The following RPS6KC1 variants were observed in gnomAD, a reference collection of about 807,000 sequenced individuals.
RPS6KC1 encodes ribosomal protein S6 kinase C1, also known as inactive ribosomal protein S6 kinase delta-1.
A neutral mutation model predicts 103.8 loss-of-function variants in RPS6KC1; 54 were observed. That is an observed-to-expected ratio of 0.52 (90% CI 0.42 to 0.65). The LOEUF (loss-of-function observed/expected upper bound fraction) is 0.65, where lower values mean the gene tolerates loss of function less well. Ranked by LOEUF, RPS6KC1 falls within the 30% of genes least tolerant of loss-of-function variation. The probability of loss-of-function intolerance (pLI) is 0.00; values close to 1 mark genes in which losing one functional copy is unlikely to be tolerated. For synonymous variants in RPS6KC1, 439 were observed against 438.7 expected, an observed-to-expected ratio of 1.00 and a Z score of -0.01; for missense variants, 1,151 against 1,253.8, an observed-to-expected ratio of 0.92 and a Z score of 1.24.
chr1:213,098,583 T>C (rs1286502935), intron 3 of RPS6KC1, among the ~76,000 whole-genome samples: 5 of 152,058 alleles, frequency 3.3e-5, no homozygotes, highest in African/African-American at 1.2e-4. Context: ...GAAAGGGAGA[T>C]TGGGTACAGC....
the RPS6KC1 span, among the ~76,000 whole-genome samples, chr1:213,851,623 C>G: frequency 6.6e-6 from 1 of 152,182 alleles, no homozygotes; most frequent in African/African-American, 2.4e-5. Flanking sequence ...GTTCTCATTT[C>G]TATTTCAAAC....
the RPS6KC1 span, among the ~76,000 whole-genome samples, chr1:213,369,265 T>G: frequency 2.0e-5 from 3 of 152,238 alleles, no homozygotes; most frequent in Non-Finnish European, 2.9e-5. Context: ...CACCTTGGCT[T>G]GTTTGGATCC....
chr1:213,517,251 T>C, the RPS6KC1 span, among the ~76,000 whole-genome samples: 2 of 152,114 alleles, frequency 1.3e-5, no homozygotes, highest in African/African-American at 2.4e-5. Context: ...TGATCTTAGT[T>C]ATTTCTTGCC....
At chr1:213,295,418 T>C in the RPS6KC1 span, among the ~76,000 whole-genome samples, 1 of 152,194 alleles carries the variant, frequency 6.6e-6, no homozygotes, top group Non-Finnish European at 1.5e-5. Flanking sequence ...TTTGTAAAAC[T>C]GGATTTTTGA....
At chr1:213,468,376 A>G in the RPS6KC1 span, among the ~76,000 whole-genome samples, 3 of 152,238 alleles carry the variant, frequency 2.0e-5, no homozygotes, top group African/African-American at 7.2e-5. Flanking sequence ...CTAAGAGGCT[A>G]TGTCCAATTT....
chr1:213,158,668 AT>A (rs968984273), intron 6 of RPS6KC1, among the ~76,000 whole-genome samples: 3 of 151,766 alleles, frequency 2.0e-5, no homozygotes, highest in East Asian at 1.9e-4. Context: ...CTTCTCCAGT[AT>A]TTTTTTTTAA....
intron 14 of RPS6KC1, among the ~76,000 whole-genome samples, chr1:213,267,072 AG>A (rs1406053193): frequency 6.6e-6 from 1 of 151,906 alleles, no homozygotes; most frequent in African/African-American, 2.4e-5. Context: ...ACTGATCCTG[AG>A]GCTGTATAAA....
the RPS6KC1 span, among the ~76,000 whole-genome samples, chr1:213,543,720 TA>T: frequency 6.6e-6 from 1 of 152,250 alleles, no homozygotes; most frequent in Non-Finnish European, 1.5e-5. Flanking sequence ...AGAATTGCTC[TA>T]TCCTTGAGTC....
At chr1:213,711,242 CT>C in the RPS6KC1 span, among the ~76,000 whole-genome samples, 5 of 152,122 alleles carry the variant, frequency 3.3e-5, no homozygotes, top group Non-Finnish European at 7.4e-5. Flanking sequence ...TGCCTTCACA[CT>C]TTATTTCATT....
At chr1:213,685,042 T>A in the RPS6KC1 span, among the ~76,000 whole-genome samples, 1 of 152,192 alleles carries the variant, frequency 6.6e-6, no homozygotes, top group Non-Finnish European at 1.5e-5. Context: ...CCTCTCCTTT[T>A]GGAAATTCTC....
the RPS6KC1 span, among the ~76,000 whole-genome samples, chr1:213,812,646 G>C: frequency 6.6e-6 from 1 of 152,162 alleles, no homozygotes; most frequent in Non-Finnish European, 1.5e-5. Context: ...GTGTGTTAAA[G>C]AGATATTTAT....
intron 5 of RPS6KC1, among the ~76,000 whole-genome samples, chr1:213,128,368 C>G (rs2085225832): frequency 6.6e-6 from 1 of 152,082 alleles, no homozygotes; most frequent in Non-Finnish European, 1.5e-5. Flanking sequence ...TTATTTTATA[C>G]ATTTCTAGAC....
At chr1:213,188,912 A>G (rs2092644289) in intron 8 of RPS6KC1, among the ~76,000 whole-genome samples, 1 of 152,088 alleles carries the variant, frequency 6.6e-6, no homozygotes, top group African/African-American at 2.4e-5. Context: ...TATAATAGCT[A>G]AAATAGTTTT....
the RPS6KC1 span, among the ~76,000 whole-genome samples, chr1:213,306,571 A>G: frequency 5.3e-5 from 8 of 152,210 alleles, no homozygotes; most frequent in Non-Finnish European, 1.0e-4. Flanking sequence ...CCAGGAATCT[A>G]CTTATATTTC....
At chr1:213,507,096 G>A in the RPS6KC1 span, among the ~76,000 whole-genome samples, 2 of 152,144 alleles carry the variant, frequency 1.3e-5, no homozygotes, top group Non-Finnish European at 2.9e-5. Context: ...ATCAATGAAC[G>A]TATCAGCATT....
chr1:213,848,820 G>A, the RPS6KC1 span, among the ~76,000 whole-genome samples: 1 of 152,108 alleles, frequency 6.6e-6, no homozygotes, highest in Non-Finnish European at 1.5e-5. Flanking sequence ...ATTTTGGTAT[G>A]AGGGAAGAAG....
the RPS6KC1 span, among the ~76,000 whole-genome samples, chr1:213,670,095 T>C: frequency 5.3e-5 from 8 of 152,242 alleles, no homozygotes; most frequent in African/African-American, 1.7e-4. Flanking sequence ...GCAGGTATTA[T>C]GCACCCACTC....
chr1:213,177,133 T>C (rs2091927385), intron 8 of RPS6KC1, among the ~76,000 whole-genome samples: 1 of 152,202 alleles, frequency 6.6e-6, no homozygotes, highest in African/African-American at 2.4e-5. Context: ...GTAAAAATAC[T>C]GGCCTCACAG....
chr1:213,635,848 A>C, the RPS6KC1 span, among the ~76,000 whole-genome samples: 1 of 152,202 alleles, frequency 6.6e-6, no homozygotes, highest in Non-Finnish European at 1.5e-5. Context: ...TGCAGATGAA[A>C]TGATTGTATA....
Sources: gnomAD v4.1 joint callset for allele counts (sites outside exome capture counted in the v4.1 genomes callset) on GRCh38, gnomAD v4.1.1 for gene constraint, MANE v1.5 for transcripts, NCBI Gene and HGNC (gene_info 2026-07-23, HGNC 2026-07-21) for gene names.